ABCA4: variants seen among roughly 807,000 people sequenced by gnomAD.
The protein encoded by ABCA4 is ATP binding cassette subfamily A member 4, also known as retinal-specific phospholipid-transporting ATPase ABCA4.
A neutral mutation model predicts 263.7 loss-of-function variants in ABCA4; 196 were observed. The ratio of observed to expected loss-of-function variants is 0.74; its 90% CI spans 0.66 to 0.84. The LOEUF is 0.84. Ranked by LOEUF, ABCA4 falls within the 40% of genes least tolerant of loss-of-function variation. The pLI is 0.00. For missense variants in ABCA4, 2,792 were observed against 2,855.1 expected (o/e 0.98, Z 0.50); for synonymous variants, 1,133 against 1,094.2 (o/e 1.04, Z -0.70).
chr1:94,017,867 A>G (rs1226855476), intron 36 of ABCA4, among the ~76,000 whole-genome samples: 1 of 152,262 alleles, frequency 6.6e-6, no homozygotes, highest in East Asian at 1.9e-4. Context: ...TTTAAAGTAA[A>G]GAAAAATAGA....
Position 94,005,228 on chromosome 1 carries a change from G to A in ABCA4, c.6147+213C>T, listed in dbSNP as rs1571245552. The A allele has an allele frequency of 2.0e-5, 12 of 594,232 alleles. No homozygotes were observed. In the South Asian group the frequency reaches 2.6e-4, roughly 13 times the overall value. The allele number at this position is 594,232 out of a possible 1,614,324, so 36.8% of individuals were successfully genotyped here. A position where few individuals can be genotyped will look rare whatever the true frequency, so the allele number is the denominator to read the frequency against. ...ATGCATACAACATTTTGTTAGATATGAGAGTGGGGATTTTTTTTTGTCTGT... is the reference window on the plus strand; with the variant it reads ...ATGCATACAACATTTTGTTAGATATAAGAGTGGGGATTTTTTTTTGTCTGT... On this transcript the variant is annotated intron_variant, in intron 44 of 49. Transcript: ENST00000370225.
chr1:94,115,054 A>G (rs1388692857), intron 1 of ABCA4, among the ~76,000 whole-genome samples: 1 of 152,222 alleles, frequency 6.6e-6, no homozygotes, highest in Non-Finnish European at 1.5e-5. Flanking sequence ...AACAGTCTGT[A>G]GATTTAAGAA....
intron 13 of ABCA4, among the ~76,000 whole-genome samples, chr1:94,061,953 C>T (rs1661139868): frequency 6.6e-6 from 1 of 151,974 alleles, no homozygotes; most frequent in African/African-American, 2.4e-5. Flanking sequence ...TCCCAACCCT[C>T]CACCCCGGCC....
At chr1:94,010,355 C>T (rs1659511713) in intron 40 of ABCA4, among the ~76,000 whole-genome samples, 1 of 152,182 alleles carries the variant, frequency 6.6e-6, no homozygotes, top group Middle Eastern at 3.2e-3. Context: ...GTCGTGATCA[C>T]TGCCCGCACC....
At chr1:94,050,790 G>GA (rs1239865584) in intron 17 of ABCA4, among the ~76,000 whole-genome samples, 6 of 150,982 alleles carry the variant, frequency 4.0e-5, no homozygotes, top group Non-Finnish European at 7.4e-5. Context: ...AAGAAAAAAA[G>GA]AAAAAAAAAG....
chr1:94,072,827 C>T (rs961855347), intron 11 of ABCA4, among the ~76,000 whole-genome samples: 8 of 152,154 alleles, frequency 5.3e-5, no homozygotes, highest in Admixed American at 2.6e-4. Flanking sequence ...CGTCTGACTT[C>T]CATTTATTTC....
intron 6 of ABCA4, among the ~76,000 whole-genome samples, chr1:94,095,938 G>A (rs1301304926): frequency 6.6e-6 from 1 of 151,778 alleles, no homozygotes; most frequent in Admixed American, 6.6e-5. Flanking sequence ...GGCCGACTAC[G>A]GCAGAGCTTT....
intron 5 of ABCA4, among the ~76,000 whole-genome samples, chr1:94,100,970 T>A (rs952918394): frequency 6.6e-6 from 1 of 152,110 alleles, no homozygotes; most frequent in African/African-American, 2.4e-5. Context: ...TCCTGGGAAG[T>A]GGGCAGGGAG....
At position 94,079,256 on chromosome 1, in the gene ABCA4, C is replaced by T. The variant is rs200943894; in HGVS notation, c.1239+66G>A. The T allele has an allele frequency of 1.6e-3, 2,478 of 1,595,580 alleles. 26 individuals carry two copies. In the African/African-American group the frequency reaches 0.031, roughly 20 times the overall value. Reference sequence around the variant, plus strand: ...CAGGAAGGCACATCTCTCTCACACACACACACACACACACACACTTCTGGG... The same window carrying T: ...CAGGAAGGCACATCTCTCTCACACATACACACACACACACACACTTCTGGG... On this transcript the variant is annotated intron_variant, in intron 9 of 49. Coordinates refer to ENST00000370225, the MANE Select transcript of ABCA4 (RefSeq NM_000350.3).
At chr1:94,020,033 A>G (rs1459845330) in intron 35 of ABCA4, among the ~76,000 whole-genome samples, 2 of 152,216 alleles carry the variant, frequency 1.3e-5, no homozygotes, top group Non-Finnish European at 2.9e-5. Context: ...TTTATGGTGT[A>G]TAGAAATAGA....
chr1:94,004,605 G>C (rs1469837677), intron 44 of ABCA4, among the ~76,000 whole-genome samples: 1 of 152,118 alleles, frequency 6.6e-6, no homozygotes, highest in East Asian at 1.9e-4. Flanking sequence ...ATAAAATTGG[G>C]TTACTTTATT....
At chr1:94,008,939 G>T (rs1659474980) in intron 40 of ABCA4, 68 bp from the exon 41 acceptor site, 1 of 1,592,018 alleles carries the variant, frequency 6.3e-7, no homozygotes, top group African/African-American at 1.3e-5. Flanking sequence ...CTTTCCATGG[G>T]ACCTCTCTTC....
intron 1 of ABCA4, 86 bp downstream of exon 1, chr1:94,120,894 C>CCCCCCAA: frequency 4.8e-6 from 3 of 625,636 alleles, no homozygotes; most frequent in Non-Finnish European, 8.6e-6. Flanking sequence ...CCTGCCCCAC[C>CCCCCCAA]ACCCTACCCC....
chr1:94,100,510 T>C (rs147381469), intron 5 of ABCA4, among the ~76,000 whole-genome samples: 3,070 of 152,198 alleles, frequency 0.02, 36 homozygotes, highest in Non-Finnish European at 0.032. Flanking sequence ...ACCTGTTAAC[T>C]CTCCAGTGAG....
chr1:94,074,867 A>G (rs1266308405), intron 11 of ABCA4, among the ~76,000 whole-genome samples: 1 of 152,258 alleles, frequency 6.6e-6, no homozygotes, highest in East Asian at 1.9e-4. Context: ...CTATAAAAAT[A>G]CATGCACATG....
chr1:94,050,551 A>G (rs1660808727), intron 17 of ABCA4, among the ~76,000 whole-genome samples: 1 of 152,130 alleles, frequency 6.6e-6, no homozygotes, highest in Admixed American at 6.5e-5. Context: ...GAAGGAGCAT[A>G]TTTTCCTTAT....
chr1:94,016,821 A>G (rs11806129), intron 36 of ABCA4, among the ~76,000 whole-genome samples: 3,523 of 152,300 alleles, frequency 0.023, 143 homozygotes, highest in African/African-American at 0.08. Flanking sequence ...GAACATATCT[A>G]GCACTCAGAC....
intron 4 of ABCA4, among the ~76,000 whole-genome samples, chr1:94,107,375 C>A (rs1165502107): frequency 6.6e-6 from 1 of 152,198 alleles, no homozygotes; most frequent in Admixed American, 6.5e-5. Context: ...GGCTTTACTT[C>A]CTCACGACCA....
Position 94,036,782 on chromosome 1 carries a change from G to GA in ABCA4, c.3819dup (p.Leu1274SerfsTer8), listed in dbSNP as rs281865514. ...GAATCAGAATCCTCCGTGACCTTCA[G>GA]AAAAATCTGTCAAGAAGAAAAAAAG... On this transcript the variant is annotated frameshift_variant, in exon 26 of 50. Coordinates refer to ENST00000370225, the MANE Select transcript of ABCA4 (RefSeq NM_000350.3). LOFTEE classifies it high-confidence loss of function. 1 of 1,614,096 alleles carries GA rather than the reference G, an allele frequency of 6.2e-7. No homozygotes were observed. Among genetic ancestry groups the GA allele is most frequent in the Middle Eastern group, 1.6e-4 (1 of 6,062 alleles).
Sources: allele counts gnomAD v4.1 joint callset (sites outside exome capture counted in the v4.1 genomes callset), GRCh38; gene constraint gnomAD v4.1.1; transcripts MANE v1.5; gene names NCBI Gene and HGNC (gene_info 2026-07-23, HGNC 2026-07-21).